Variants in MROH1 observed in about 807,000 individuals in gnomAD.
MROH1 encodes the protein maestro heat like repeat family member 1.
MROH1 carries 117 observed loss-of-function variants against 116.5 expected under a neutral mutation model. The ratio of observed to expected loss-of-function variants is 1.00; its 90% CI spans 0.86 to 1.17. The LOEUF is 1.17. Among genes scored for constraint, MROH1 ranks in the 50% most tolerant of loss-of-function variants. The probability of loss-of-function intolerance (pLI) is 0.00; values close to 1 mark genes in which losing one functional copy is unlikely to be tolerated. For missense variants in MROH1, 1,873 were observed against 1,338.5 expected (o/e 1.40, Z -6.23); for synonymous variants, 921 against 583.9 (o/e 1.58, Z -8.32).
At chr8:144,255,023 C>T (rs1007941207) in intron 34 of MROH1, 45 bp downstream of exon 34, 168 of 709,122 alleles carry the variant, frequency 2.4e-4, no homozygotes, top group African/African-American at 9.2e-4. Context: ...GTCCCTGCCC[C>T]GCTTGCCTGG....
chr8:144,184,132 A>T (rs1826358188), intron 7 of MROH1, among the ~76,000 whole-genome samples: 1 of 152,176 alleles, frequency 6.6e-6, no homozygotes, highest in Non-Finnish European at 1.5e-5. Flanking sequence ...GTCCTGATGT[A>T]GTTGTAGGGT....
intron 12 of MROH1, chr8:144,214,439 C>G (rs1015280230): frequency 3.3e-5 from 5 of 152,246 alleles, no homozygotes; most frequent in Non-Finnish European, 5.9e-5. Flanking sequence ...TATAAAGGGC[C>G]TAGCAGGGAG....
intron 10 of MROH1, among the ~76,000 whole-genome samples, chr8:144,197,052 G>T (rs1218579392): frequency 1.3e-5 from 2 of 152,034 alleles, no homozygotes; most frequent in African/African-American, 4.8e-5. Flanking sequence ...CCGAGATCGC[G>T]CCATTGCACT....
chr8:144,248,734 CGCAGGGCCCAGCG>C (rs1842333576), intron 31 of MROH1, 130 bp from the exon 32 acceptor site: 2 of 682,524 alleles, frequency 2.9e-6, no homozygotes, highest in African/African-American at 1.8e-5. Flanking sequence ...TCATTGAAGG[CGCAGGGCCCAGCG>C]GCTGGGGCCC....
chr8:144,177,812 T>C (rs1250377027), intron 4 of MROH1, among the ~76,000 whole-genome samples: 1 of 152,134 alleles, frequency 6.6e-6, no homozygotes, highest in African/African-American at 2.4e-5. Context: ...TTCCTCCTGC[T>C]CAGGCTATGT....
intron 4 of MROH1, among the ~76,000 whole-genome samples, chr8:144,169,474 A>G (rs1821881135): frequency 7.0e-6 from 1 of 142,534 alleles, no homozygotes; most frequent in African/African-American, 2.6e-5. Flanking sequence ...TTTTTTTGAG[A>G]TGGAGTCTCA....
intron 12 of MROH1, chr8:144,214,358 T>C (rs1461115821): frequency 6.6e-6 from 1 of 152,256 alleles, no homozygotes; most frequent in East Asian, 1.9e-4. Flanking sequence ...GGTGATCTTA[T>C]TTACTGTCCA....
intron 3 of MROH1, among the ~76,000 whole-genome samples, chr8:144,165,750 T>TG (rs1554780596): frequency 1.3e-5 from 2 of 151,324 alleles, no homozygotes; most frequent in African/African-American, 4.8e-5. Flanking sequence ...TTTTGTATTT[T>TG]TTTTTTTTTT....
At chr8:144,181,260 G>A (rs1329471023) in intron 7 of MROH1, among the ~76,000 whole-genome samples, 1 of 152,078 alleles carries the variant, frequency 6.6e-6, no homozygotes, top group Non-Finnish European at 1.5e-5. Flanking sequence ...GTTCCAGGCA[G>A]CAGGTGTGGG....
intron 12 of MROH1, among the ~76,000 whole-genome samples, chr8:144,215,163 A>AT (rs1199740367): frequency 2.6e-5 from 4 of 152,218 alleles, no homozygotes; most frequent in Non-Finnish European, 5.9e-5. Flanking sequence ...CTTCACTCTA[A>AT]TTAAGTTGAC....
rs954997159 is a variant in MROH1 at position 144,244,585 on chromosome 8, G to A, written c.2766+46G>A. 2.1e-4 allele frequency: 150 copies of A among 722,594 alleles called. 3 individuals are homozygous for A. In the South Asian group the frequency reaches 2.2e-3, roughly 10 times the overall value. The allele number at this position is 722,594 out of a possible 1,614,324, so 44.8% of individuals were successfully genotyped here. On this transcript the variant is annotated intron_variant, in intron 28 of 43. Coordinates refer to ENST00000326134, the MANE Select transcript of MROH1 (RefSeq NM_032450.3). ...ATGGGGATGGGGATGGGGGCACAGA[G>A]GGCACTCCACCTGGCTGCTGGCCCT...
At chr8:144,171,869 A>G (rs961420351) in intron 4 of MROH1, among the ~76,000 whole-genome samples, 1 of 152,190 alleles carries the variant, frequency 6.6e-6, no homozygotes. Flanking sequence ...CCTCTTGTCC[A>G]AGGAGACCCG....
At chr8:144,212,571 C>G (rs1003275086) in intron 12 of MROH1, among the ~76,000 whole-genome samples, 1 of 138,640 alleles carries the variant, frequency 7.2e-6, no homozygotes, top group Non-Finnish European at 1.5e-5. Context: ...TTTTACCTCT[C>G]TTCTGTTACT....
rs1841431530 is a variant in MROH1 at position 144,243,925 on chromosome 8, C to G, written c.2538C>G (p.Leu846=). Residue 846 remains leucine, a synonymous_variant, in exon 26 of 44, where the codon CTC becomes CTG. Coordinates refer to ENST00000326134, the MANE Select transcript of MROH1 (RefSeq NM_032450.3). ...LRTPIRKKAM[L]TCTYLVSVEP... The stretch of plus-strand genomic sequence containing the variant: ...CACCTATTCGGAAGAAAGCCATGCT[C>G]ACCTGCACTTACTTGGTGTATCCTT... The G allele has an allele frequency of 1.3e-6, 1 of 780,350 alleles. No individual in the cohort carries two copies. Among genetic ancestry groups the G allele is most frequent in the Non-Finnish European group, 2.4e-6 (1 of 417,728 alleles). The allele number at this position is 780,350 out of a possible 1,614,324, so 48.3% of individuals were successfully genotyped here.
At position 144,163,236 on chromosome 8, in the gene MROH1, T is replaced by C. The variant is rs960783296; in HGVS notation, c.-56-535T>C. ...GTGAGTGTTAGGATGCTGGCTGCCA[T>C]GCTTATGGTGGGCCTGCAGCCCCTC... On this transcript the variant is annotated intron_variant, in intron 2 of 43. Coordinates refer to ENST00000326134, the MANE Select transcript of MROH1 (RefSeq NM_032450.3). This position sits in a 1 kb window ranked among gnomAD's most constrained non-coding sequence, Gnocchi z 4.4. 2.0e-5 allele frequency among the ~76,000 whole-genome samples: 3 copies of C among 152,204 alleles called. No homozygotes were observed. Among genetic ancestry groups the C allele is most frequent in the Non-Finnish European group, 4.4e-5 (3 of 68,030 alleles).
At chr8:144,236,764 CAAAAT>C (rs1483338778) in intron 14 of MROH1, among the ~76,000 whole-genome samples, 7 of 151,126 alleles carry the variant, frequency 4.6e-5, no homozygotes, top group East Asian at 1.9e-4. Context: ...TAAAATAAAA[CAAAAT>C]AAAATAAGTA....
chr8:144,225,086 TAGAG>T (rs1837539423), intron 14 of MROH1, among the ~76,000 whole-genome samples: 3 of 152,164 alleles, frequency 2.0e-5, no homozygotes, highest in Admixed American at 2.0e-4. Flanking sequence ...TTGCCAAGGC[TAGAG>T]TGCAGTGGCA....
intron 31 of MROH1, among the ~76,000 whole-genome samples, 156 bp downstream of exon 31, chr8:144,247,835 C>T (rs927298749): frequency 3.3e-5 from 5 of 152,248 alleles, no homozygotes; most frequent in Non-Finnish European, 5.9e-5. Context: ...TAGTTGCCGG[C>T]GCTGCCCTGC....
chr8:144,187,761 C>T (rs1286200493), intron 7 of MROH1, among the ~76,000 whole-genome samples: 2 of 151,976 alleles, frequency 1.3e-5, no homozygotes, highest in Non-Finnish European at 2.9e-5. Flanking sequence ...GGCCAGTGGC[C>T]CCATGAAGGG....
Sources: gnomAD v4.1 joint callset for allele counts (sites outside exome capture counted in the v4.1 genomes callset) on GRCh38, gnomAD v4.1.1 for gene constraint, Gnocchi (gnomAD v3.1) non-coding constraint, MANE v1.5 for transcripts, NCBI Gene and HGNC (gene_info 2026-07-23, HGNC 2026-07-21) for gene names.